Variants in MAML2 observed in about 807,000 individuals in gnomAD.
MAML2 encodes mastermind like transcriptional coactivator 2, also known as mastermind-like protein 2.
A neutral mutation model predicts 96.1 loss-of-function variants in MAML2; 22 were observed. The ratio of observed to expected loss-of-function variants is 0.23; its 90% CI spans 0.16 to 0.33. MAML2 has a LOEUF of 0.33. Ranked by LOEUF, MAML2 falls within the 10% of genes least tolerant of loss-of-function variation. MAML2 has a pLI of 1.00. For missense variants in MAML2, 1,367 were observed against 1,392.4 expected (o/e 0.98, Z 0.29); for synonymous variants, 561 against 521.3 (o/e 1.08, Z -1.04).
intron 1 of MAML2, among the ~76,000 whole-genome samples, chr11:96,273,029 T>G (rs1862938042): frequency 6.6e-6 from 1 of 152,246 alleles, no homozygotes; most frequent in African/African-American, 2.4e-5. Flanking sequence ...ACTATATGTG[T>G]TTCAGGCACA....
At chr11:96,104,170 C>G (rs537628832) in intron 1 of MAML2, among the ~76,000 whole-genome samples, 3 of 152,272 alleles carry the variant, frequency 2.0e-5, no homozygotes, top group African/African-American at 7.2e-5. Flanking sequence ...ATTTTTAAGT[C>G]TGTCTCCACA....
rs1325771417 is a variant in MAML2, at chr11:96,305,372, A to G, written c.513+36011T>C. On this transcript the variant is annotated intron_variant, in intron 1 of 4. Transcript: ENST00000524717. The stretch of plus-strand genomic sequence containing the variant: ...GACCTTGGGTGATAGTGGTGTGTCA[A>G]TGTAGGTCCACTAATTGCAACAAAC... 2.6e-5 allele frequency among the ~76,000 whole-genome samples: 4 copies of G among 152,168 alleles called. 1 individual carries two copies. The highest frequency in any genetic ancestry group is 5.9e-5 in the Non-Finnish European group (4 of 68,032).
chr11:96,287,009 C>T (rs781390883), intron 1 of MAML2, among the ~76,000 whole-genome samples: 10 of 151,990 alleles, frequency 6.6e-5, no homozygotes, highest in Non-Finnish European at 1.2e-4. Context: ...CAGCCTGATG[C>T]GCTGCTCTAG....
intron 1 of MAML2, among the ~76,000 whole-genome samples, chr11:96,223,140 G>A (rs890398916): frequency 7.2e-5 from 11 of 151,944 alleles, no homozygotes; most frequent in East Asian, 5.8e-4. Flanking sequence ...TAGAAGACAC[G>A]TTATATGAAA....
intron 1 of MAML2, among the ~76,000 whole-genome samples, chr11:96,115,299 G>A (rs976678294): frequency 6.6e-6 from 1 of 151,908 alleles, no homozygotes; most frequent in Admixed American, 6.6e-5. Context: ...AAGTAGCTGG[G>A]ACTACAGGTG....
rs556742036 is a variant in MAML2, at chr11:96,147,409, C to T, written c.514-53892G>A. Among the ~76,000 whole-genome samples, 480 of 152,280 alleles carry T rather than the reference C, an allele frequency of 3.2e-3. 2 individuals carry two copies. The highest frequency in any genetic ancestry group is 0.01 in the Middle Eastern group (3 of 294). ...TTTTTTCATCCTTTATCCTTGAATT[C>T]ATAACAGTCTTAGGAAATGATTCAT... On this transcript the variant is annotated intron_variant, in intron 1 of 4. Coordinates refer to ENST00000524717, the MANE Select transcript of MAML2 (RefSeq NM_032427.4).
chr11:96,030,757 G>T (rs537915990), intron 2 of MAML2, among the ~76,000 whole-genome samples: 43 of 152,294 alleles, frequency 2.8e-4, no homozygotes, highest in African/African-American at 1.0e-3. Context: ...CTACTTAAAG[G>T]CAGCCAAGCA....
intron 1 of MAML2, among the ~76,000 whole-genome samples, chr11:96,205,622 T>C (rs1047833416): frequency 2.6e-4 from 40 of 152,366 alleles, no homozygotes; most frequent in Admixed American, 7.2e-4. Flanking sequence ...CTAGAGCCTA[T>C]GTAGCTCACA....
intron 1 of MAML2, among the ~76,000 whole-genome samples, chr11:96,199,264 CCTT>C (rs749088634): frequency 1.0e-4 from 15 of 150,292 alleles, no homozygotes; most frequent in Non-Finnish European, 1.6e-4. Flanking sequence ...GGTATTTTCT[CCTT>C]CTTCCCAGCT....
At position 96,036,844 on chromosome 11, in the gene MAML2, A is replaced by G. The variant is rs149502838; in HGVS notation, c.2140-45121T>C. On this transcript the variant is annotated intron_variant, in intron 2 of 4. Transcript: ENST00000524717. ...TCCAGGTGTGCTGCGGCTAACTTAAACAAGATAAAACACCTTTCATGGTAT... is the reference window on the plus strand; with the variant it reads ...TCCAGGTGTGCTGCGGCTAACTTAAGCAAGATAAAACACCTTTCATGGTAT... 1.1e-3 allele frequency among the ~76,000 whole-genome samples: 174 copies of G among 152,324 alleles called. 1 individual carries two copies. The highest frequency in any genetic ancestry group is 4.0e-3 in the African/African-American group (168 of 41,580).
chr11:96,105,783 T>G (rs1860012028), intron 1 of MAML2, among the ~76,000 whole-genome samples: 1 of 152,128 alleles, frequency 6.6e-6, no homozygotes, highest in Admixed American at 6.5e-5. Context: ...CAGTCTATGT[T>G]TATTTTCACA....
chr11:96,274,651 T>C (rs879374938), intron 1 of MAML2, among the ~76,000 whole-genome samples: 1 of 152,150 alleles, frequency 6.6e-6, no homozygotes, highest in Non-Finnish European at 1.5e-5. Context: ...CTATTACTAA[T>C]GAAAAGGCTA....
chr11:96,121,095 A>C (rs1055307001), intron 1 of MAML2, among the ~76,000 whole-genome samples: 1 of 152,144 alleles, frequency 6.6e-6, no homozygotes, highest in Non-Finnish European at 1.5e-5. Context: ...GGGGGAGTGA[A>C]GGATACTTTG....
chr11:96,203,854 G>A (rs181840523), intron 1 of MAML2, among the ~76,000 whole-genome samples: 4 of 152,324 alleles, frequency 2.6e-5, no homozygotes, highest in Admixed American at 2.6e-4. Flanking sequence ...AATAATATGA[G>A]TGCAAAAACA....
At position 96,292,739 on chromosome 11, in the gene MAML2, C is replaced by T. The variant is rs59616378; in HGVS notation, c.513+48644G>A. On this transcript the variant is annotated intron_variant, in intron 1 of 4. Coordinates refer to ENST00000524717, the MANE Select transcript of MAML2 (RefSeq NM_032427.4). ...TAGAATCTTTTTCTAATCCTTTATTCCTTTCAGGGCATTGCTATATGGCTA... is the reference window on the plus strand; with the variant it reads ...TAGAATCTTTTTCTAATCCTTTATTTCTTTCAGGGCATTGCTATATGGCTA... Among the ~76,000 whole-genome samples, 1,511 of 152,242 alleles carry T rather than the reference C, an allele frequency of 9.9e-3. 20 individuals carry two copies. Among genetic ancestry groups the T allele is most frequent in the African/African-American group, 0.034 (1,429 of 41,526 alleles).
At chr11:96,032,908 C>T (rs992239591) in intron 2 of MAML2, among the ~76,000 whole-genome samples, 3 of 152,102 alleles carry the variant, frequency 2.0e-5, no homozygotes, top group Admixed American at 1.3e-4. Context: ...CAAAGAGACA[C>T]AGAAATTTAT....
At chr11:96,024,958 A>G (rs1159272327) in intron 2 of MAML2, among the ~76,000 whole-genome samples, 1 of 152,220 alleles carries the variant, frequency 6.6e-6, no homozygotes, top group Non-Finnish European at 1.5e-5. Flanking sequence ...GTGGGAATGT[A>G]AATAAGTTCA....
chr11:96,246,799 G>A (rs552903823), intron 1 of MAML2, among the ~76,000 whole-genome samples: 105 of 152,192 alleles, frequency 6.9e-4, no homozygotes, highest in African/African-American at 2.5e-3. Context: ...TACAGTTTGA[G>A]GTTGGCTCTG....
chr11:96,046,955 T>G (rs996952761), intron 2 of MAML2, among the ~76,000 whole-genome samples: 2 of 152,218 alleles, frequency 1.3e-5, no homozygotes, highest in Admixed American at 6.5e-5. Context: ...TTTGTTAGAA[T>G]TGACTCTTGA....
Sources: allele counts gnomAD v4.1 joint callset (sites outside exome capture counted in the v4.1 genomes callset), GRCh38; gene constraint gnomAD v4.1.1; transcripts MANE v1.5; gene names NCBI Gene and HGNC (gene_info 2026-07-23, HGNC 2026-07-21).